Variants in RPTOR observed in about 807,000 individuals in gnomAD.
RPTOR encodes the protein regulatory associated protein of MTOR complex 1, also known as regulatory-associated protein of mTOR.
A neutral mutation model predicts 169.9 loss-of-function variants in RPTOR; 21 were observed. The observed-to-expected ratio is 0.12, with a 90% CI of 0.09 to 0.18. The LOEUF is 0.18. Ranked by LOEUF, RPTOR falls within the 10% of genes least tolerant of loss-of-function variation. RPTOR has a pLI of 1.00. For synonymous variants in RPTOR, 732 were observed against 753.2 expected (o/e 0.97, Z 0.46); for missense variants, 1,133 against 1,855.9 (o/e 0.61, Z 7.16).
chr17:80,656,965 T>C (rs1054056783), intron 3 of RPTOR, among the ~76,000 whole-genome samples: 3 of 152,244 alleles, frequency 2.0e-5, no homozygotes, highest in Non-Finnish European at 4.4e-5. Context: ...CCTTTGCCTT[T>C]GTTTACCAGC....
At chr17:80,663,106 T>A (rs2065736748) in intron 3 of RPTOR, among the ~76,000 whole-genome samples, 2 of 152,206 alleles carry the variant, frequency 1.3e-5, no homozygotes, top group South Asian at 4.1e-4. Flanking sequence ...CCTCGTTCAC[T>A]CAGGGTGAGG....
At position 80,545,090 on chromosome 17, in the gene RPTOR, C is replaced by T. The variant is rs1599535498; in HGVS notation, c.-540C>T. On this transcript the variant is annotated 5_prime_UTR_variant, in exon 1 of 34. Coordinates refer to ENST00000306801, the MANE Select transcript of RPTOR (RefSeq NM_020761.3). ...GGCGAGCACGATGGGCCGGTCGTGG[C>T]TCTGGTTGCAGCAGCTCAGACGAGT... 1 of 233,778 alleles carries T rather than the reference C, an allele frequency of 4.3e-6. No individual in the cohort carries two copies. Among genetic ancestry groups the T allele is most frequent in the Non-Finnish European group, 8.5e-6 (1 of 118,140 alleles). The allele number at this position is 233,778 out of a possible 1,614,324, so 14.5% of individuals were successfully genotyped here.
intron 7 of RPTOR, among the ~76,000 whole-genome samples, chr17:80,799,722 T>TGCACACCCCTCCCCTCCCC (rs1567917802): frequency 6.6e-6 from 1 of 151,156 alleles, no homozygotes; most frequent in Non-Finnish European, 1.5e-5. Flanking sequence ...CTCCCCTCCC[T>TGCACACCCCTCCCCTCCCC]GGCGGCCGCC....
chr17:80,892,913 GTTGTT>G, intron 19 of RPTOR, 44 bp downstream of exon 19: 1 of 1,596,808 alleles, frequency 6.3e-7, no homozygotes, highest in Non-Finnish European at 8.5e-7. Flanking sequence ...AGAGATTGGG[GTTGTT>G]TTTTCTGAAA....
At chr17:80,805,249 A>C (rs1327923353) in intron 7 of RPTOR, 2 of 152,218 alleles carry the variant, frequency 1.3e-5, no homozygotes, top group Admixed American at 6.5e-5. Flanking sequence ...ACAGCAGGAG[A>C]GCTCCACGCC....
chr17:80,848,752 C>T (rs1044296848), intron 11 of RPTOR, among the ~76,000 whole-genome samples: 4 of 152,340 alleles, frequency 2.6e-5, no homozygotes, highest in East Asian at 1.9e-4. Context: ...AAGCAGGACC[C>T]GATGCCAAGC....
intron 1 of RPTOR, chr17:80,602,685 G>A: frequency 1.4e-6 from 1 of 730,030 alleles, no homozygotes; most frequent in Non-Finnish European, 2.5e-6. Context: ...GATGCGGTAG[G>A]GGACATTCCT....
intron 1 of RPTOR, among the ~76,000 whole-genome samples, chr17:80,588,113 A>G (rs1025322400): frequency 6.7e-6 from 1 of 150,326 alleles, no homozygotes; most frequent in African/African-American, 2.4e-5. Context: ...TCTTTTTTTT[A>G]ATGGCTGAGT....
chr17:80,954,245 C>A (rs1167519265), intron 28 of RPTOR, among the ~76,000 whole-genome samples: 3 of 152,180 alleles, frequency 2.0e-5, no homozygotes, highest in Non-Finnish European at 2.9e-5. Context: ...CCTCAGCCTC[C>A]CAAGTAGTTG....
At chr17:80,623,453 T>C (rs1481985415) in intron 1 of RPTOR, among the ~76,000 whole-genome samples, 1 of 152,236 alleles carries the variant, frequency 6.6e-6, no homozygotes, top group African/African-American at 2.4e-5. Flanking sequence ...AAAATACTTT[T>C]ATTGGTGATA....
At chr17:80,676,090 A>C (rs1287051476) in intron 3 of RPTOR, among the ~76,000 whole-genome samples, 1 of 139,712 alleles carries the variant, frequency 7.2e-6, no homozygotes, top group Non-Finnish European at 1.6e-5. Context: ...TATACGCATT[A>C]GGTGGATAGT....
chr17:80,688,531 C>T (rs1430470658), intron 3 of RPTOR, among the ~76,000 whole-genome samples: 1 of 151,880 alleles, frequency 6.6e-6, no homozygotes. Context: ...GCCACCACTC[C>T]AAACATCACA....
Position 80,771,094 on chromosome 17 carries a change from G to A in RPTOR, c.830+16909G>A, listed in dbSNP as rs545518346. ...TTGCCCCTGAAGAGTCCGCTGCAGA[G>A]CTGAAGCAAGGGACACCCCCTTCAG... On this transcript the variant is annotated intron_variant, in intron 6 of 33. Transcript: ENST00000306801. 3.3e-5 allele frequency among the ~76,000 whole-genome samples: 5 copies of A among 152,352 alleles called. No individual in the cohort carries two copies. In the East Asian group the frequency reaches 9.7e-4, roughly 29 times the overall value.
chr17:80,736,507 C>G (rs879281992), intron 5 of RPTOR, among the ~76,000 whole-genome samples: 1 of 152,162 alleles, frequency 6.6e-6, no homozygotes, highest in Non-Finnish European at 1.5e-5. Flanking sequence ...CACTGATCCC[C>G]GTAGCTAAAT....
In RPTOR at chr17:80,746,289, TGCTTTCTGCGGGTGATCCCCA is replaced by T; in HGVS notation, c.655-7720_655-7700del. On this transcript the variant is annotated intron_variant, in intron 5 of 33. Transcript: ENST00000306801. This position sits in a 1 kb window ranked among gnomAD's most constrained non-coding sequence, Gnocchi z 4.5. Reference sequence around the variant, plus strand: ...GTGATCCCCACCGCCCCCACAGCGGTGCTTTCTGCGGGTGATCCCCACCGCCCCCACAGCGGTGCTTTCTGC... The same window carrying T: ...GTGATCCCCACCGCCCCCACAGCGGTCCGCCCCCACAGCGGTGCTTTCTGC... 7.7e-6 allele frequency among the ~76,000 whole-genome samples: 1 copy of T among 129,872 alleles called. No individual in the cohort carries two copies. Among genetic ancestry groups the T allele is most frequent in the East Asian group, 2.2e-4 (1 of 4,614 alleles). The allele number at this position is 129,872 out of a possible 152,430, so 85.2% of individuals were successfully genotyped here. A position where few individuals can be genotyped will look rare whatever the true frequency, so the allele number is the denominator to read the frequency against.
chr17:80,842,966 C>T (rs1257659011), intron 10 of RPTOR, among the ~76,000 whole-genome samples: 1 of 152,228 alleles, frequency 6.6e-6, no homozygotes, highest in East Asian at 1.9e-4. Flanking sequence ...CTCACTTGTT[C>T]TTTGCACCAG....
At chr17:80,932,501 T>C (rs2068910073) in intron 24 of RPTOR, among the ~76,000 whole-genome samples, 3 of 152,110 alleles carry the variant, frequency 2.0e-5, no homozygotes, top group African/African-American at 7.2e-5. Context: ...CCTAAAGGCA[T>C]TGACAGCAAA....
At chr17:80,798,291 C>T (rs1332998300) in intron 7 of RPTOR, among the ~76,000 whole-genome samples, 1 of 152,222 alleles carries the variant, frequency 6.6e-6, no homozygotes, top group Admixed American at 6.5e-5. Context: ...TCTGGAGCCG[C>T]CTTGCCCATG....
intron 12 of RPTOR, 61 bp from the exon 13 acceptor site, chr17:80,857,729 C>G (rs2067869768): frequency 2.4e-6 from 3 of 1,229,964 alleles, no homozygotes; most frequent in Non-Finnish European, 3.5e-6. Context: ...GCGTGGCACC[C>G]CTGCTGCTGC....
Sources: gnomAD v4.1 joint callset for allele counts (sites outside exome capture counted in the v4.1 genomes callset) on GRCh38, gnomAD v4.1.1 for gene constraint, Gnocchi (gnomAD v3.1) non-coding constraint, MANE v1.5 for transcripts, NCBI Gene and HGNC (gene_info 2026-07-23, HGNC 2026-07-21) for gene names.